SNRPB2: variants seen among roughly 807,000 people sequenced by gnomAD.
SNRPB2 encodes U2 small nuclear ribonucleoprotein B''.
A neutral mutation model predicts 26.3 loss-of-function variants in SNRPB2; 16 were observed. That is an observed-to-expected ratio of 0.61 (90% CI 0.41 to 0.92). The LOEUF (loss-of-function observed/expected upper bound fraction) is 0.92, where lower values mean the gene tolerates loss of function less well. Ranked by LOEUF, SNRPB2 falls within the 40% of genes least tolerant of loss-of-function variation. The pLI, the probability that SNRPB2 is intolerant of heterozygous loss-of-function variation, is 0.00. For missense variants in SNRPB2, 179 were observed against 268.1 expected (o/e 0.67, Z 2.32); for synonymous variants, 75 against 89.0 (o/e 0.84, Z 0.88).
chr20:16,733,825 CACTTCCCAGCTG>C (rs2072408508), intron 3 of SNRPB2, among the ~76,000 whole-genome samples: 1 of 152,182 alleles, frequency 6.6e-6, no homozygotes, highest in African/African-American at 2.4e-5. Flanking sequence ...CTTTTCCCAT[CACTTCCCAGCTG>C]ACTGGACACC....
At chr20:16,735,894 C>T (rs1291013222) in intron 3 of SNRPB2, among the ~76,000 whole-genome samples, 2 of 152,210 alleles carry the variant, frequency 1.3e-5, no homozygotes, top group Admixed American at 6.5e-5. Flanking sequence ...GTACTTTTAA[C>T]TATTGGAAGT....
chr20:16,740,528 T>C, intron 6 of SNRPB2, 115 bp downstream of exon 6: 1 of 1,483,260 alleles, frequency 6.7e-7, no homozygotes. Flanking sequence ...GTTCATTGAT[T>C]TGGTTTGGGA....
Position 16,738,849 on chromosome 20 carries a change from T to G in SNRPB2, c.379-3T>G. The G allele has an allele frequency of 6.3e-7, 1 of 1,583,968 alleles. No homozygotes were observed. The highest frequency in any genetic ancestry group is 8.7e-7 in the Non-Finnish European group (1 of 1,152,748). ...TTAAACTCTCCCTATTTATTTTGCTTAGGGAACTCCAAATTCAGCTAATAC... is the reference window on the plus strand; with the variant it reads ...TTAAACTCTCCCTATTTATTTTGCTGAGGGAACTCCAAATTCAGCTAATAC... On this transcript the variant is annotated splice_region_variant and splice_polypyrimidine_tract_variant and intron_variant, in intron 4 of 6. Transcript: ENST00000246071.
intron 1 of SNRPB2, 44 bp from the exon 2 acceptor site, chr20:16,731,624 T>TA: frequency 6.4e-7 from 1 of 1,557,542 alleles, no homozygotes; most frequent in South Asian, 1.2e-5. Flanking sequence ...GTTGTGTCCT[T>TA]ATGCCACAGT....
chr20:16,738,977 C>T, intron 5 of SNRPB2, 75 bp downstream of exon 5: 1 of 960,152 alleles, frequency 1.0e-6, no homozygotes, highest in Non-Finnish European at 1.7e-6. Flanking sequence ...AAACAATTTC[C>T]ATGTCTCCAA....
At chr20:16,740,252 T>G in intron 5 of SNRPB2, 73 bp from the exon 6 acceptor site, 1 of 1,583,648 alleles carries the variant, frequency 6.3e-7, no homozygotes, top group Admixed American at 1.8e-5. Flanking sequence ...TTTGATATAG[T>G]AAGATTTCAC....
At chr20:16,740,294 A>G in intron 5 of SNRPB2, 31 bp from the exon 6 acceptor site, 3 of 1,606,370 alleles carry the variant, frequency 1.9e-6, no homozygotes, top group Non-Finnish European at 8.5e-7. Flanking sequence ...TTAAACTTAC[A>G]AGCTAACTTT....
intron 1 of SNRPB2, 28 bp from the exon 2 acceptor site, chr20:16,731,640 A>G: frequency 6.3e-7 from 1 of 1,595,234 alleles, no homozygotes; most frequent in Non-Finnish European, 8.6e-7. Context: ...ACAGTCCAGT[A>G]TAATTTACTC....
intron 1 of SNRPB2, among the ~76,000 whole-genome samples, 183 bp downstream of exon 1, chr20:16,730,347 C>T (rs2072381077): frequency 6.6e-6 from 1 of 152,158 alleles, no homozygotes. Flanking sequence ...TAGTTAATGT[C>T]AGTCTGCTCG....
intron 4 of SNRPB2, among the ~76,000 whole-genome samples, chr20:16,738,021 A>G (rs1009694966): frequency 6.7e-6 from 1 of 149,210 alleles, no homozygotes; most frequent in Admixed American, 6.7e-5. Flanking sequence ...CCTGGGCAAC[A>G]GAGTGAGACT....
intron 6 of SNRPB2, 118 bp downstream of exon 6, chr20:16,740,531 G>A (rs1037680180): frequency 1.4e-6 from 2 of 1,469,848 alleles, no homozygotes; most frequent in Non-Finnish European, 1.8e-6. Context: ...CATTGATTTG[G>A]TTTGGGATGA....
rs149910178 is a variant in SNRPB2, at chr20:16,738,198, T to C, written c.379-654T>C. Among the ~76,000 whole-genome samples the C allele has an allele frequency of 4.4e-3, 663 of 152,076 alleles. 6 individuals carry two copies. The highest frequency in any genetic ancestry group is 0.015 in the African/African-American group (603 of 41,516). ...GCTCATGCCTATAATCCCAGCACTT[T>C]GGGAGGCTGAGGTGGGTGGATCACC... On this transcript the variant is annotated intron_variant, in intron 4 of 6. Transcript: ENST00000246071.
chr20:16,732,402 T>C, intron 3 of SNRPB2, 66 bp downstream of exon 3: 2 of 834,362 alleles, frequency 2.4e-6, no homozygotes, highest in Non-Finnish European at 1.9e-6. Context: ...AGTAGATTTG[T>C]AAATATGCTT....
chr20:16,733,650 A>G (rs1449469863), intron 3 of SNRPB2, among the ~76,000 whole-genome samples: 2 of 152,200 alleles, frequency 1.3e-5, no homozygotes, highest in Admixed American at 1.3e-4. Context: ...CTACTACTCA[A>G]CTCTGCTTTT....
intron 5 of SNRPB2, among the ~76,000 whole-genome samples, chr20:16,739,550 CTTGTT>C (rs1297964076): frequency 2.6e-5 from 4 of 152,054 alleles, no homozygotes; most frequent in Non-Finnish European, 5.9e-5. Context: ...TTTTTCTCCT[CTTGTT>C]TTAAGTTACT....
chr20:16,741,195 A>G lies in SNRPB2; in HGVS notation c.*190A>G, dbSNP rs1392672419. 14 of 477,878 alleles carry G rather than the reference A, an allele frequency of 2.9e-5. No individual in the cohort carries two copies. Among genetic ancestry groups the G allele is most frequent in the Middle Eastern group, 5.4e-4 (1 of 1,848 alleles). The allele number at this position is 477,878 out of a possible 1,614,324, so 29.6% of individuals were successfully genotyped here. On this transcript the variant is annotated 3_prime_UTR_variant, in exon 7 of 7. Transcript: ENST00000246071. ...AATACGAAGGCCTTAATTTTGTACA[A>G]TAAACTTTTATTTGTATTCTGTGTA...
chr20:16,740,301 CT>C (rs2072454865), intron 5 of SNRPB2, 23 bp from the exon 6 acceptor site: 1 of 1,607,150 alleles, frequency 6.2e-7, no homozygotes, highest in African/African-American at 1.3e-5. Flanking sequence ...TACAAGCTAA[CT>C]TTGCCTTTTT....
At chr20:16,739,030 T>G (rs2072446486) in intron 5 of SNRPB2, 128 bp downstream of exon 5, 1 of 656,660 alleles carries the variant, frequency 1.5e-6, no homozygotes, top group Admixed American at 2.7e-5. Context: ...CGTTAAATTG[T>G]CTGCCACTGC....
chr20:16,737,210 G>A (rs775352977), intron 3 of SNRPB2, 51 bp from the exon 4 acceptor site: 1 of 1,459,032 alleles, frequency 6.9e-7, no homozygotes, highest in Non-Finnish European at 9.2e-7. Context: ...AATGACTAGT[G>A]TAAACATCCT....
Sources: gnomAD v4.1 joint callset for allele counts (sites outside exome capture counted in the v4.1 genomes callset) on GRCh38, gnomAD v4.1.1 for gene constraint, MANE v1.5 for transcripts, NCBI Gene and HGNC (gene_info 2026-07-23, HGNC 2026-07-21) for gene names.